The following MOGAT1 variants were observed in gnomAD, a reference collection of about 807,000 sequenced individuals.
MOGAT1 encodes the protein 2-acylglycerol O-acyltransferase 1.
In MOGAT1, 32 loss-of-function variants were observed where a neutral mutation model predicts 31.4. The observed-to-expected ratio is 1.02, with a 90% CI of 0.77 to 1.37. The LOEUF is 1.37. MOGAT1 is among the 40% of genes most tolerant of loss of function. The pLI, the probability that MOGAT1 is intolerant of heterozygous loss-of-function variation, is 0.00. For synonymous variants in MOGAT1, 145 were observed against 144.5 expected, an observed-to-expected ratio of 1.00 and a Z score of -0.03; for missense variants, 426 against 402.0, an observed-to-expected ratio of 1.06 and a Z score of -0.51.
At position 222,671,845 on chromosome 2, in the gene MOGAT1, C is replaced by A. The variant is rs575399876; in HGVS notation, c.60C>A (p.Ala20=). The A allele has an allele frequency of 1.3e-6, 2 of 1,552,818 alleles. No homozygotes were observed. Among genetic ancestry groups the A allele is most frequent in the Non-Finnish European group, 1.7e-6 (2 of 1,148,002 alleles). The change falls in exon 1 of 6, where the codon GCC becomes GCA. Residue 20 remains alanine, a synonymous_variant. Coordinates refer to ENST00000446656, the MANE Select transcript of MOGAT1 (RefSeq NM_058165.3). ...IQLARRLQTV[A]VLQWVLKYLL... ...TGGCGCGGCGGCTGCAGACGGTGGCCGTGCTGCAGTGGGTCCTGAAATACC... is the reference window on the plus strand; with the variant it reads ...TGGCGCGGCGGCTGCAGACGGTGGCAGTGCTGCAGTGGGTCCTGAAATACC...
chr2:222,700,238 T>A (rs1692900237), intron 5 of MOGAT1, among the ~76,000 whole-genome samples: 1 of 152,242 alleles, frequency 6.6e-6, no homozygotes, highest in Non-Finnish European at 1.5e-5. Context: ...ACTTGTCACC[T>A]GGTTAAGCTT....
chr2:222,709,614 T>G, intron 5 of MOGAT1, 122 bp from the exon 6 acceptor site: 1 of 803,072 alleles, frequency 1.2e-6, no homozygotes, highest in Non-Finnish European at 2.0e-6. Context: ...GAAACAAGGA[T>G]TGGAGTGAGC....
chr2:222,674,296 G>A (rs1222662635), intron 1 of MOGAT1, among the ~76,000 whole-genome samples: 1 of 152,044 alleles, frequency 6.6e-6, no homozygotes, highest in Non-Finnish European at 1.5e-5. Flanking sequence ...TATATATCTT[G>A]GAAATTATAT....
intron 5 of MOGAT1, among the ~76,000 whole-genome samples, chr2:222,703,674 G>T (rs896644627): frequency 6.6e-6 from 1 of 152,040 alleles, no homozygotes; most frequent in Admixed American, 6.6e-5. Flanking sequence ...TGACACCCAG[G>T]TTCCTGCTCC....
intron 5 of MOGAT1, among the ~76,000 whole-genome samples, chr2:222,698,386 T>C (rs1016361064): frequency 6.6e-6 from 1 of 152,238 alleles, no homozygotes; most frequent in Non-Finnish European, 1.5e-5. Flanking sequence ...GACAACATTA[T>C]AGATTTCTGA....
intron 4 of MOGAT1, 50 bp from the exon 5 acceptor site, chr2:222,695,039 T>C: frequency 7.1e-7 from 1 of 1,417,800 alleles, no homozygotes; most frequent in Non-Finnish European, 9.5e-7. Context: ...GAATAAATTA[T>C]TTGAATCCTT....
At chr2:222,704,588 C>T (rs1388513944) in intron 5 of MOGAT1, among the ~76,000 whole-genome samples, 3 of 151,540 alleles carry the variant, frequency 2.0e-5, no homozygotes, top group Non-Finnish European at 4.4e-5. Context: ...CGCGCCACTG[C>T]ACTCCAGCCT....
intron 3 of MOGAT1, among the ~76,000 whole-genome samples, chr2:222,691,011 G>A (rs1270689654): frequency 1.3e-5 from 2 of 152,148 alleles, no homozygotes; most frequent in Admixed American, 6.5e-5. Flanking sequence ...ATAGTTAAGA[G>A]CAGGTTTGGC....
At chr2:222,682,024 C>T (rs75230677) in intron 1 of MOGAT1, among the ~76,000 whole-genome samples, 16 of 152,230 alleles carry the variant, frequency 1.1e-4, no homozygotes, top group Non-Finnish European at 1.5e-4. Context: ...CTGCTCTTAC[C>T]ATAATAAAAT....
intron 5 of MOGAT1, among the ~76,000 whole-genome samples, chr2:222,702,671 A>G (rs1426809071): frequency 1.3e-5 from 2 of 152,132 alleles, no homozygotes; most frequent in Non-Finnish European, 2.9e-5. Flanking sequence ...AAATAAAACT[A>G]GTTTGAAACC....
chr2:222,703,403 TTTTGTTTTTTGTTTGTTTG>T (rs1559234578), intron 5 of MOGAT1, among the ~76,000 whole-genome samples: 3 of 152,056 alleles, frequency 2.0e-5, no homozygotes, highest in African/African-American at 7.2e-5. Flanking sequence ...TGTTTGTTTG[TTTTGTTTTTTGTTTGTTTG>T]TTTGTTTTTA....
At position 222,690,618 on chromosome 2, in the gene MOGAT1, T is replaced by C. The variant is rs952315700; in HGVS notation, c.478+1149T>C. Among the ~76,000 whole-genome samples, 72 of 152,190 alleles carry C rather than the reference T, an allele frequency of 4.7e-4. 1 individual carries two copies. The highest frequency in any genetic ancestry group is 2.6e-3 in the Admixed American group (40 of 15,282). On this transcript the variant is annotated intron_variant, in intron 3 of 5. Transcript: ENST00000446656. ...TCCTCTAGACTTTTATTACGTCCTA[T>C]TAATCTCTCAAGTCACTACTGTCAT... is the stretch of plus-strand genomic sequence containing the variant.
rs1382792370 is a variant in MOGAT1 at position 222,671,708 on chromosome 2, C to T, written c.-78C>T. 14 of 1,247,254 alleles carry T rather than the reference C, an allele frequency of 1.1e-5. No homozygotes were observed. The highest frequency in any genetic ancestry group is 3.0e-5 in the African/African-American group (2 of 66,736). The allele number at this position is 1,247,254 out of a possible 1,614,324, so 77.3% of individuals were successfully genotyped here. ...GCCCAGCGCGGGGCCCGGATCCGGCCGGGCACTTCCCACAGGCGCCGCAGA... is the reference window on the plus strand; with the variant it reads ...GCCCAGCGCGGGGCCCGGATCCGGCTGGGCACTTCCCACAGGCGCCGCAGA... On this transcript the variant is annotated 5_prime_UTR_variant, in exon 1 of 6. Coordinates refer to ENST00000446656, the MANE Select transcript of MOGAT1 (RefSeq NM_058165.3).
intron 5 of MOGAT1, among the ~76,000 whole-genome samples, chr2:222,706,290 T>G (rs1693002735): frequency 6.6e-6 from 1 of 151,978 alleles, no homozygotes; most frequent in Non-Finnish European, 1.5e-5. Context: ...CTGACCAACA[T>G]GACGAAACTC....
At chr2:222,690,824 C>G (rs879768892) in intron 3 of MOGAT1, among the ~76,000 whole-genome samples, 2 of 152,158 alleles carry the variant, frequency 1.3e-5, no homozygotes, top group Non-Finnish European at 2.9e-5. Flanking sequence ...TCTTAACCAC[C>G]GAAAGTGGGG....
intron 1 of MOGAT1, among the ~76,000 whole-genome samples, chr2:222,672,157 A>G (rs1337832847): frequency 2.6e-5 from 4 of 152,216 alleles, no homozygotes; most frequent in African/African-American, 9.7e-5. Context: ...ATACAGCTCG[A>G]TGACTTTTGG....
rs192178322 is a variant in MOGAT1 at position 222,689,193 on chromosome 2, C to T, written c.274-72C>T. ...ATTTTCTCTTGACATAAAAACTAGT[C>T]CTTTTGTTTCTCATTGGAAAATAAT... On this transcript the variant is annotated intron_variant, in intron 2 of 5. Transcript: ENST00000446656. 2.2e-5 allele frequency: 29 copies of T among 1,293,712 alleles called. No individual in the cohort carries two copies. In the East Asian group the frequency reaches 6.5e-4, roughly 29 times the overall value. 80.1% of individuals were successfully genotyped at this position (1,293,712 alleles called of 1,614,324 possible). A position where few individuals can be genotyped will look rare whatever the true frequency, so the allele number is the denominator to read the frequency against.
chr2:222,677,328 C>T (rs1488336873), intron 1 of MOGAT1, among the ~76,000 whole-genome samples: 2 of 152,304 alleles, frequency 1.3e-5, no homozygotes, highest in East Asian at 1.9e-4. Context: ...CACCTGTAAT[C>T]CCAGCACTTT....
At chr2:222,690,012 T>C (rs1441642589) in intron 3 of MOGAT1, among the ~76,000 whole-genome samples, 2 of 151,764 alleles carry the variant, frequency 1.3e-5, no homozygotes, top group African/African-American at 2.4e-5. Flanking sequence ...CCCAGCACTT[T>C]AGGAGACTGA....
Sources: gnomAD v4.1 joint callset for allele counts (sites outside exome capture counted in the v4.1 genomes callset) on GRCh38, gnomAD v4.1.1 for gene constraint, MANE v1.5 for transcripts, NCBI Gene and HGNC (gene_info 2026-07-23, HGNC 2026-07-21) for gene names.